The following PDE6A variants were observed in gnomAD, a reference collection of about 807,000 sequenced individuals.
The protein encoded by PDE6A is phosphodiesterase 6A, also known as rod cGMP-specific 3',5'-cyclic phosphodiesterase subunit alpha.
A neutral mutation model predicts 106.3 loss-of-function variants in PDE6A; 84 were observed. The ratio of observed to expected loss-of-function variants is 0.79; its 90% CI spans 0.66 to 0.95. PDE6A has a LOEUF of 0.95. PDE6A is among the 40% of genes least tolerant of loss of function. PDE6A has a pLI of 0.00. For synonymous variants in PDE6A, 394 were observed against 386.6 expected (o/e 1.02, Z -0.23); for missense variants, 1,052 against 1,084.9 (o/e 0.97, Z 0.43).
chr5:149,886,250 G>T lies in PDE6A; in HGVS notation c.1838+15C>A. The T allele has an allele frequency of 6.4e-7, 1 of 1,566,362 alleles. No homozygotes were observed. Among genetic ancestry groups the T allele is most frequent in the Non-Finnish European group, 8.8e-7 (1 of 1,136,276 alleles). On this transcript the variant is annotated intron_variant, in intron 14 of 21. Coordinates refer to ENST00000255266, the MANE Select transcript of PDE6A (RefSeq NM_000440.3). ...GAATCCGGAGGGTTGGGTGTGGGGA[G>T]GGAGGCTGACTCACTTCATCTGGTA...
Position 149,893,354 on chromosome 5 carries a change from C to G in PDE6A, c.1728+1829G>C, listed in dbSNP as rs183263177. Among the ~76,000 whole-genome samples, 24 of 152,308 alleles carry G rather than the reference C, an allele frequency of 1.6e-4. No individual in the cohort carries two copies. In the East Asian group the frequency reaches 4.2e-3, roughly 27 times the overall value. On this transcript the variant is annotated intron_variant, in intron 13 of 21. Transcript: ENST00000255266. ...TTGGACTCCTTCGGGTAAAGCTAAC[C>G]AGGGAAGGTTTTCCACAGAAACAGA...
intron 6 of PDE6A, among the ~76,000 whole-genome samples, chr5:149,907,840 G>A (rs954776419): frequency 3.9e-5 from 6 of 151,932 alleles, no homozygotes; most frequent in Admixed American, 3.3e-4. Flanking sequence ...TGTTTGTTGT[G>A]AGAAAAAAAC....
At chr5:149,883,087 C>T (rs571959844) in intron 17 of PDE6A, among the ~76,000 whole-genome samples, 46 of 152,088 alleles carry the variant, frequency 3.0e-4, no homozygotes, top group African/African-American at 1.0e-3. Flanking sequence ...AACAAAAACC[C>T]CTTAATTGCT....
At chr5:149,876,881 TAGAC>T (rs959320531) in intron 17 of PDE6A, among the ~76,000 whole-genome samples, 8 of 137,922 alleles carry the variant, frequency 5.8e-5, no homozygotes, top group Non-Finnish European at 9.0e-5. Flanking sequence ...GTAGGTAGAC[TAGAC>T]AGACAGATGA....
chr5:149,884,268 ATGTATATATG>A (rs755750373), intron 16 of PDE6A, among the ~76,000 whole-genome samples: 4,664 of 143,938 alleles, frequency 0.032, 94 homozygotes, highest in African/African-American at 0.056. Flanking sequence ...GTGTATATAT[ATGTATATATG>A]TGTATATATG....
chr5:149,900,507 G>A (rs547582310), intron 8 of PDE6A, among the ~76,000 whole-genome samples: 75 of 151,064 alleles, frequency 5.0e-4, no homozygotes, highest in Non-Finnish European at 7.2e-4. Context: ...AGGTAAACCA[G>A]CAATTACACT....
In PDE6A at chr5:149,860,752, G is replaced by T; in HGVS notation, c.*143C>A. ...TGTGGCCCAGGGAAGCCAAAAGATT[G>T]AACAGTCCTGGAAGCTAAATTCTCT... On this transcript the variant is annotated 3_prime_UTR_variant, in exon 22 of 22. Transcript: ENST00000255266. 3.1e-6 allele frequency: 2 copies of T among 644,024 alleles called. No individual in the cohort carries two copies. The highest frequency in any genetic ancestry group is 2.8e-5 in the East Asian group (1 of 35,760). The allele number at this position is 644,024 out of a possible 1,614,324, so 39.9% of individuals were successfully genotyped here.
chr5:149,883,837 T>C (rs1761021529), intron 16 of PDE6A, among the ~76,000 whole-genome samples: 2 of 152,206 alleles, frequency 1.3e-5, no homozygotes, highest in Non-Finnish European at 2.9e-5. Flanking sequence ...AACACACGTG[T>C]TGTGCCTGAC....
Position 149,858,458 on chromosome 5 carries a change from A to T in PDE6A, c.*2437T>A, listed in dbSNP as rs1056222963. On this transcript the variant is annotated 3_prime_UTR_variant, in exon 22 of 22. Coordinates refer to ENST00000255266, the MANE Select transcript of PDE6A (RefSeq NM_000440.3). The stretch of plus-strand genomic sequence containing the variant: ...CGCTAGGTATTGCATACTTGCCAGA[A>T]CATACTTAGATTCGGTTTAAAAGAA... 6.6e-6 allele frequency: 1 copy of T among 152,244 alleles called. No homozygotes were observed. Among genetic ancestry groups the T allele is most frequent in the Non-Finnish European group, 1.5e-5 (1 of 68,060 alleles). 9.4% of individuals were successfully genotyped at this position (152,244 alleles called of 1,614,324 possible).
At chr5:149,936,147 C>G (rs1021590869) in intron 1 of PDE6A, among the ~76,000 whole-genome samples, 1 of 58,016 alleles carries the variant, frequency 1.7e-5, no homozygotes, top group Non-Finnish European at 3.1e-5. Flanking sequence ...GAGCAAGACC[C>G]TGTCTCTAAA....
At chr5:149,864,906 G>A (rs1249332644) in intron 20 of PDE6A, among the ~76,000 whole-genome samples, 4 of 152,106 alleles carry the variant, frequency 2.6e-5, no homozygotes, top group Non-Finnish European at 4.4e-5. Flanking sequence ...AAAGCACTTA[G>A]CCCAGTCTCC....
rs534855285 is a variant in PDE6A at position 149,905,568 on chromosome 5, C to T, written c.1065+1744G>A. ...CTCTTCCCCATTCTCTGCCTACAAC[C>T]AATCACAAAGCCCTGCCAGCTTCAC... On this transcript the variant is annotated intron_variant, in intron 7 of 21. Transcript: ENST00000255266. Among the ~76,000 whole-genome samples the T allele has an allele frequency of 2.6e-5, 4 of 152,304 alleles. No homozygotes were observed. In the South Asian group the frequency reaches 8.3e-4, roughly 32 times the overall value.
intron 10 of PDE6A, among the ~76,000 whole-genome samples, 186 bp downstream of exon 10, chr5:149,898,173 CTCAT>C (rs915023886): frequency 1.1e-4 from 17 of 152,292 alleles, no homozygotes; most frequent in African/African-American, 4.1e-4. Flanking sequence ...TGCTCATGCA[CTCAT>C]TCATTCATTC....
At chr5:149,872,659 C>T (rs1006913760) in intron 17 of PDE6A, among the ~76,000 whole-genome samples, 6 of 152,190 alleles carry the variant, frequency 3.9e-5, no homozygotes, top group Admixed American at 3.9e-4. Context: ...CCTGGAATTA[C>T]ATGTGTCTGG....
intron 8 of PDE6A, among the ~76,000 whole-genome samples, chr5:149,901,163 G>A (rs758814388): frequency 6.6e-6 from 1 of 152,038 alleles, no homozygotes; most frequent in Non-Finnish European, 1.5e-5. Flanking sequence ...TAATCTGCCC[G>A]CCTCGGTCTC....
chr5:149,877,174 C>T (rs920021722), intron 17 of PDE6A, among the ~76,000 whole-genome samples: 2 of 152,120 alleles, frequency 1.3e-5, no homozygotes, highest in African/African-American at 4.8e-5. Context: ...AATGAAAAAT[C>T]TTTCACCTGC....
rs143955425 is a variant in PDE6A at position 149,913,799 on chromosome 5, G to A, written c.998+1144C>T. ...GGAGAGGATTCAAACAGAGAAGAAGGTAACTAGGTTTTTGAGAAAGGTCTA... is the reference window on the plus strand; with the variant it reads ...GGAGAGGATTCAAACAGAGAAGAAGATAACTAGGTTTTTGAGAAAGGTCTA... On this transcript the variant is annotated intron_variant, in intron 6 of 21. Coordinates refer to ENST00000255266, the MANE Select transcript of PDE6A (RefSeq NM_000440.3). Among the ~76,000 whole-genome samples, 275 of 152,274 alleles carry A rather than the reference G, an allele frequency of 1.8e-3. 2 individuals carry two copies. The highest frequency in any genetic ancestry group is 6.4e-3 in the African/African-American group (267 of 41,542).
rs557971033 is a variant in PDE6A at position 149,863,391 on chromosome 5, A to G, written c.2359-125T>C. ...GCTTCGGAGTAGCAGGCCTCCCGCCACCGTGCTGATACTGCAGGGCCTCCG... is the reference window on the plus strand; with the variant it reads ...GCTTCGGAGTAGCAGGCCTCCCGCCGCCGTGCTGATACTGCAGGGCCTCCG... On this transcript the variant is annotated intron_variant, in intron 20 of 21. Coordinates refer to ENST00000255266, the MANE Select transcript of PDE6A (RefSeq NM_000440.3). This position sits in a 1 kb window ranked among gnomAD's most constrained non-coding sequence, Gnocchi z 4.7. 9.7e-6 allele frequency: 9 copies of G among 926,522 alleles called. No homozygotes were observed. Among genetic ancestry groups the G allele is most frequent in the Admixed American group, 2.0e-5 (1 of 50,662 alleles). 57.4% of individuals were successfully genotyped at this position (926,522 alleles called of 1,614,324 possible).
intron 3 of PDE6A, chr5:149,932,434 G>A: frequency 7.2e-7 from 1 of 1,390,978 alleles, no homozygotes. Flanking sequence ...GGAGTTGACT[G>A]AATAAGGTCA....
Sources: gnomAD v4.1 joint callset for allele counts (sites outside exome capture counted in the v4.1 genomes callset) on GRCh38, gnomAD v4.1.1 for gene constraint, Gnocchi (gnomAD v3.1) non-coding constraint, MANE v1.5 for transcripts, NCBI Gene and HGNC (gene_info 2026-07-23, HGNC 2026-07-21) for gene names.